Variants in ULK4 observed in about 807,000 individuals in gnomAD.
ULK4 encodes the protein inactive serine/threonine-protein kinase ULK4.
Under a neutral mutation model 160.6 loss-of-function variants are expected in ULK4, and 133 were observed. The observed-to-expected ratio is 0.83, with a 90% CI of 0.72 to 0.96. ULK4 has a LOEUF of 0.96. Among genes scored for constraint, ULK4 ranks in the 40% least tolerant of loss-of-function variants. ULK4 has a pLI of 0.00. For synonymous variants in ULK4, 534 were observed against 539.8 expected, an observed-to-expected ratio of 0.99 and a Z score of 0.15; for missense variants, 1,580 against 1,499.5, an observed-to-expected ratio of 1.05 and a Z score of -0.89.
At chr3:41,904,806 T>C (rs1413217800) in intron 12 of ULK4, among the ~76,000 whole-genome samples, 3 of 152,252 alleles carry the variant, frequency 2.0e-5, no homozygotes, top group Non-Finnish European at 4.4e-5. Context: ...TAATTCAAAG[T>C]AGTTCTGCAT....
intron 19 of ULK4, among the ~76,000 whole-genome samples, chr3:41,813,209 C>T (rs1467955051): frequency 2.0e-5 from 3 of 152,090 alleles, no homozygotes; most frequent in Non-Finnish European, 2.9e-5. Flanking sequence ...GGGTTTAATA[C>T]TTAGGTGATG....
At chr3:41,291,278 G>A (rs565553325) in intron 35 of ULK4, among the ~76,000 whole-genome samples, 1 of 151,126 alleles carries the variant, frequency 6.6e-6, no homozygotes, top group East Asian at 1.9e-4. Flanking sequence ...GTGAGAGAGG[G>A]AAAGAGAGAG....
chr3:41,600,523 C>T (rs978137584), intron 31 of ULK4, among the ~76,000 whole-genome samples: 1 of 152,118 alleles, frequency 6.6e-6, no homozygotes, highest in Non-Finnish European at 1.5e-5. Context: ...CAGATGCATA[C>T]ATACTTGGGG....
intron 21 of ULK4, among the ~76,000 whole-genome samples, chr3:41,761,201 T>C (rs1383316035): frequency 6.6e-6 from 1 of 151,904 alleles, no homozygotes; most frequent in Non-Finnish European, 1.5e-5. Context: ...ATATTAAACC[T>C]CATAGAACTG....
chr3:41,795,066 A>C (rs12185934), intron 20 of ULK4, among the ~76,000 whole-genome samples: 18,845 of 152,264 alleles, frequency 0.12, 1,349 homozygotes, highest in Middle Eastern at 0.27. Flanking sequence ...CCATTAACCT[A>C]CAAGACGTGC....
intron 21 of ULK4, among the ~76,000 whole-genome samples, chr3:41,763,030 G>C (rs545151954): frequency 7.9e-5 from 12 of 152,000 alleles, no homozygotes; most frequent in African/African-American, 2.9e-4. Flanking sequence ...AACAGCATGG[G>C]GGAAGCCGCC....
chr3:41,463,149 G>A lies in ULK4; in HGVS notation c.3331C>T (p.Leu1111=), dbSNP rs775924192. The change falls in exon 33 of 37, where the codon CTG becomes TTG. Residue 1111 remains leucine (L), a synonymous_variant. Coordinates refer to ENST00000301831, the MANE Select transcript of ULK4 (RefSeq NM_017886.4). Reference sequence around the variant, plus strand: ...AGCATGCTGTGCAAAATATCAAGCAGGGAAAAGAGCAGTGGAGCTGCCATC... The same window carrying A: ...AGCATGCTGTGCAAAATATCAAGCAAGGAAAAGAGCAGTGGAGCTGCCATC... ...NEMAAPLLFS[L]LDILHSMLTY... 3.7e-6 allele frequency: 6 copies of A among 1,613,788 alleles called. No individual in the cohort carries two copies. Among genetic ancestry groups the A allele is most frequent in the East Asian group, 2.2e-5 (1 of 44,844 alleles).
intron 32 of ULK4, among the ~76,000 whole-genome samples, chr3:41,542,054 T>C (rs2086713296): frequency 6.6e-6 from 1 of 152,194 alleles, no homozygotes; most frequent in Non-Finnish European, 1.5e-5. Context: ...CAATATTATG[T>C]TGAATAGGAG....
intron 19 of ULK4, among the ~76,000 whole-genome samples, chr3:41,801,929 G>A (rs1294480504): frequency 1.3e-5 from 2 of 149,736 alleles, no homozygotes; most frequent in East Asian, 3.9e-4. Context: ...TCCACAGAGA[G>A]GAACAATGAT....
intron 35 of ULK4, among the ~76,000 whole-genome samples, chr3:41,283,495 C>T (rs2079399939): frequency 6.6e-6 from 1 of 152,104 alleles, no homozygotes; most frequent in African/African-American, 2.4e-5. Context: ...ATGTCCTTTG[C>T]AGGGACATGG....
intron 17 of ULK4, among the ~76,000 whole-genome samples, chr3:41,876,000 T>C (rs2125696856): frequency 6.8e-6 from 1 of 146,936 alleles, no homozygotes; most frequent in East Asian, 2.0e-4. Flanking sequence ...CTAAATCTAA[T>C]GAAGCGTCCA....
At chr3:41,878,393 G>A (rs1697388917) in intron 17 of ULK4, among the ~76,000 whole-genome samples, 2 of 152,170 alleles carry the variant, frequency 1.3e-5, no homozygotes. Flanking sequence ...ACACCTGTAA[G>A]TTCTTAACAA....
At chr3:41,311,897 C>CATATATATA (rs1302478062) in intron 35 of ULK4, among the ~76,000 whole-genome samples, 2 of 139,868 alleles carry the variant, frequency 1.4e-5, no homozygotes, top group African/African-American at 5.7e-5. Flanking sequence ...TATATATATC[C>CATATATATA]TATTAGTTCT....
At chr3:41,562,587 G>C (rs886203878) in intron 32 of ULK4, among the ~76,000 whole-genome samples, 1 of 152,132 alleles carries the variant, frequency 6.6e-6, no homozygotes, top group Non-Finnish European at 1.5e-5. Flanking sequence ...AGGTCTTCTT[G>C]TTGAATCACC....
intron 30 of ULK4, among the ~76,000 whole-genome samples, chr3:41,641,644 C>T (rs1001690716): frequency 3.3e-5 from 5 of 152,146 alleles, no homozygotes; most frequent in Admixed American, 6.5e-5. Context: ...CAGGCTAAAA[C>T]CCACTTCTAG....
chr3:41,607,409 ACTC>A (rs2032433452), intron 31 of ULK4, among the ~76,000 whole-genome samples: 1 of 152,142 alleles, frequency 6.6e-6, no homozygotes, highest in Non-Finnish European at 1.5e-5. Flanking sequence ...GATAAATTTG[ACTC>A]TCATAATGAA....
intron 22 of ULK4, among the ~76,000 whole-genome samples, chr3:41,733,725 ATTTTTT>A (rs778572755): frequency 5.8e-4 from 54 of 93,596 alleles, no homozygotes; most frequent in Admixed American, 1.1e-3. Context: ...TAAACACATG[ATTTTTT>A]TTTTTTTTTT....
At chr3:41,304,882 C>G (rs2079874130) in intron 35 of ULK4, among the ~76,000 whole-genome samples, 1 of 152,160 alleles carries the variant, frequency 6.6e-6, no homozygotes, top group Non-Finnish European at 1.5e-5. Flanking sequence ...CTGAGATCTC[C>G]TGCATTTGGC....
intron 32 of ULK4, among the ~76,000 whole-genome samples, chr3:41,534,238 A>C (rs2086415600): frequency 6.6e-6 from 1 of 152,230 alleles, no homozygotes; most frequent in Non-Finnish European, 1.5e-5. Context: ...CTGACACTCC[A>C]TAAACCAATG....
Sources: allele counts gnomAD v4.1 joint callset (sites outside exome capture counted in the v4.1 genomes callset), GRCh38; gene constraint gnomAD v4.1.1; transcripts MANE v1.5; gene names NCBI Gene and HGNC (gene_info 2026-07-23, HGNC 2026-07-21).